The following CELF2 variants were observed in gnomAD, a reference collection of about 807,000 sequenced individuals.
CELF2 encodes CUGBP Elav-like family member 2, also known as CUG triplet repeat RNA-binding protein 2.
CELF2 carries 8 observed loss-of-function variants against 62.6 expected under a neutral mutation model. The observed-to-expected ratio is 0.13, with a 90% confidence interval of 0.07 to 0.23. The LOEUF (loss-of-function observed/expected upper bound fraction) is 0.23, where lower values mean the gene tolerates loss of function less well. Among genes scored for constraint, CELF2 ranks in the 10% least tolerant of loss-of-function variants. CELF2 has a pLI of 1.00. For synonymous variants in CELF2, 258 were observed against 250.0 expected (o/e 1.03, Z -0.30); for missense variants, 333 against 671.0 (o/e 0.50, Z 5.56).
At chr10:10,909,153 GTAGGTT>G (rs2063593868) in intron 1 of CELF2, among the ~76,000 whole-genome samples, 1 of 152,180 alleles carries the variant, frequency 6.6e-6, no homozygotes, top group East Asian at 1.9e-4. Context: ...TGTTCTGACT[GTAGGTT>G]GGAGGTAGGC....
the CELF2 span, among the ~76,000 whole-genome samples, chr10:10,672,104 G>T: frequency 1.3e-5 from 2 of 152,136 alleles, no homozygotes; most frequent in African/African-American, 2.4e-5. Context: ...TTTTCTCACT[G>T]TTTAGTTTTA....
At chr10:10,679,643 A>C in the CELF2 span, among the ~76,000 whole-genome samples, 2 of 152,208 alleles carry the variant, frequency 1.3e-5, no homozygotes. Flanking sequence ...GAACATACCC[A>C]AAAGAACACC....
the CELF2 span, among the ~76,000 whole-genome samples, chr10:10,742,853 A>C: frequency 6.6e-6 from 1 of 152,226 alleles, no homozygotes; most frequent in Non-Finnish European, 1.5e-5. Context: ...GATCTCTATT[A>C]ACAAAAGAAG....
At position 11,244,521 on chromosome 10, in the gene CELF2, G is replaced by A. The variant is rs1307755370; in HGVS notation, c.355-4632G>A. Among the ~76,000 whole-genome samples the A allele has an allele frequency of 6.6e-6, 1 of 152,076 alleles. No homozygotes were observed. The highest frequency in any genetic ancestry group is 1.5e-5 in the Non-Finnish European group (1 of 68,008). On this transcript the variant is annotated intron_variant, in intron 3 of 12. Coordinates refer to ENST00000633077, the MANE Select transcript of CELF2 (RefSeq NM_001326342.2). The surrounding 1 kb of genome is among the most constrained non-coding windows in gnomAD (Gnocchi z 4.2). ...ACAAAGAAAATTAGTTGGGCGTGGT[G>A]GCGGGCGCCTGTAGTCCCAGCTACT...
rs1001687474 is a variant in CELF2, at chr10:11,211,333, C to T, written c.272-6092C>T. Among the ~76,000 whole-genome samples, 1 of 152,130 alleles carries T rather than the reference C, an allele frequency of 6.6e-6. No individual in the cohort carries two copies. The highest frequency in any genetic ancestry group is 1.5e-5 in the Non-Finnish European group (1 of 68,016). On this transcript the variant is annotated intron_variant, in intron 2 of 12. Coordinates refer to ENST00000633077, the MANE Select transcript of CELF2 (RefSeq NM_001326342.2). This position sits in a 1 kb window ranked among gnomAD's most constrained non-coding sequence, Gnocchi z 4.8. Reference sequence around the variant, plus strand: ...TAGAGTCAAGGAATTTAAAGAAAACCGCCTTTTTAAAACAGTGTCTCAGAG... The same window carrying T: ...TAGAGTCAAGGAATTTAAAGAAAACTGCCTTTTTAAAACAGTGTCTCAGAG...
chr10:11,017,901 AGCCGGCC>A lies in CELF2; in HGVS notation c.-185_-179del. Reference sequence around the variant, plus strand: ...CCGCCCGCCGCACCTGGCGCTCGGCAGCCGGCCGCCCCGGCGCTGGATTTCGGAGGGG... The same window carrying A: ...CCGCCCGCCGCACCTGGCGCTCGGCAGCCCCGGCGCTGGATTTCGGAGGGG... On this transcript the variant is annotated 5_prime_UTR_variant, in exon 1 of 13. Coordinates refer to ENST00000633077, the MANE Select transcript of CELF2 (RefSeq NM_001326342.2). The surrounding 1 kb of genome is among the most constrained non-coding windows in gnomAD (Gnocchi z 5.5). The A allele has an allele frequency of 1.0e-6, 1 of 968,376 alleles. No individual in the cohort carries two copies. The highest frequency in any genetic ancestry group is 1.2e-6 in the Non-Finnish European group (1 of 816,738). The allele number at this position is 968,376 out of a possible 1,614,324, so 60.0% of individuals were successfully genotyped here.
At chr10:10,697,207 T>C in the CELF2 span, among the ~76,000 whole-genome samples, 891 of 152,010 alleles carry the variant, frequency 5.9e-3, 3 homozygotes, top group Non-Finnish European at 8.2e-3. Context: ...TAGAGGGTAA[T>C]AAATGAGAAG....
intron 1 of CELF2, among the ~76,000 whole-genome samples, chr10:11,050,530 G>A (rs1316720499): frequency 6.6e-6 from 1 of 152,218 alleles, no homozygotes; most frequent in Non-Finnish European, 1.5e-5. Context: ...CCTGCTGCTG[G>A]TGGGGAGCCA....
In CELF2 at chr10:11,145,616, T is replaced by C. The variant is rs1002310133; in HGVS notation, c.75-19870T>C. 2.6e-5 allele frequency among the ~76,000 whole-genome samples: 4 copies of C among 152,194 alleles called. No homozygotes were observed. The highest frequency in any genetic ancestry group is 2.0e-4 in the Admixed American group (3 of 15,280). On this transcript the variant is annotated intron_variant, in intron 1 of 12. Transcript: ENST00000633077. This position sits in a 1 kb window ranked among gnomAD's most constrained non-coding sequence, Gnocchi z 4.3. The stretch of plus-strand genomic sequence containing the variant: ...CAGGAAGTGGAGAGCGGAAGTGAGC[T>C]GTGGGTGACTGCAGAGAGGTTGTAG...
chr10:10,691,958 G>A, the CELF2 span, among the ~76,000 whole-genome samples: 1 of 151,840 alleles, frequency 6.6e-6, no homozygotes, highest in South Asian at 2.1e-4. Context: ...TTTGTAGGTT[G>A]CCTGTTCACT....
At chr10:11,129,528 G>C (rs1423359410) in intron 1 of CELF2, among the ~76,000 whole-genome samples, 1 of 152,086 alleles carries the variant, frequency 6.6e-6, no homozygotes, top group African/African-American at 2.4e-5. Context: ...TTGGTTGGTA[G>C]GCTATTATTA....
chr10:10,725,060 A>G, the CELF2 span, among the ~76,000 whole-genome samples: 2 of 152,208 alleles, frequency 1.3e-5, no homozygotes, highest in African/African-American at 2.4e-5. Context: ...TGTTAGCACT[A>G]ACTTTTGTGA....
chr10:10,478,385 A>G, the CELF2 span, among the ~76,000 whole-genome samples: 3 of 152,216 alleles, frequency 2.0e-5, no homozygotes, highest in South Asian at 4.1e-4. Flanking sequence ...ATTGATATTC[A>G]AACAAACATG....
the CELF2 span, among the ~76,000 whole-genome samples, chr10:10,743,584 C>A: frequency 6.6e-6 from 1 of 152,192 alleles, no homozygotes; most frequent in Admixed American, 6.5e-5. Flanking sequence ...TTGGAAAATA[C>A]AATGTTCCAT....
chr10:11,069,279 G>C (rs1199562082), intron 1 of CELF2, among the ~76,000 whole-genome samples: 1 of 152,170 alleles, frequency 6.6e-6, no homozygotes, highest in Non-Finnish European at 1.5e-5. Context: ...GCAAAGAAAA[G>C]GATCATGATT....
At chr10:10,916,922 C>T (rs1344515063) in intron 1 of CELF2, among the ~76,000 whole-genome samples, 1 of 151,478 alleles carries the variant, frequency 6.6e-6, no homozygotes, top group Non-Finnish European at 1.5e-5. Flanking sequence ...CTGGAATTTC[C>T]TTCTTCTTCT....
the CELF2 span, among the ~76,000 whole-genome samples, chr10:10,697,471 C>G: frequency 1.3e-5 from 2 of 152,128 alleles, no homozygotes; most frequent in South Asian, 4.1e-4. Flanking sequence ...AGGTTGATAT[C>G]TTAGTCTGTT....
chr10:11,203,055 A>G (rs771144972), intron 2 of CELF2, among the ~76,000 whole-genome samples: 1 of 152,028 alleles, frequency 6.6e-6, no homozygotes, highest in Admixed American at 6.6e-5. Context: ...CAGGGAAGAA[A>G]TAGGAGCCTG....
At chr10:10,818,525 A>G (rs1427014747) in intron 1 of CELF2, among the ~76,000 whole-genome samples, 1 of 151,480 alleles carries the variant, frequency 6.6e-6, no homozygotes, top group African/African-American at 2.4e-5. Flanking sequence ...AGTGGTTCCA[A>G]CAAGCAGCAT....
Sources: gnomAD v4.1 joint callset for allele counts (sites outside exome capture counted in the v4.1 genomes callset) on GRCh38, gnomAD v4.1.1 for gene constraint, Gnocchi (gnomAD v3.1) non-coding constraint, MANE v1.5 for transcripts, NCBI Gene and HGNC (gene_info 2026-07-23, HGNC 2026-07-21) for gene names.